The following MSH3 variants were observed in gnomAD, a reference collection of about 807,000 sequenced individuals.
MSH3 encodes the protein mutS homolog 3.
In MSH3, 106 loss-of-function variants were observed where a neutral mutation model predicts 123.3. The observed-to-expected ratio is 0.86, with a 90% confidence interval of 0.73 to 1.01. The LOEUF (loss-of-function observed/expected upper bound fraction) is 1.01, where lower values mean the gene tolerates loss of function less well. Ranked by LOEUF, MSH3 falls within the 50% of genes least tolerant of loss-of-function variation. The pLI is 0.00. For synonymous variants in MSH3, 515 were observed against 481.4 expected, an observed-to-expected ratio of 1.07 and a Z score of -0.91; for missense variants, 1,459 against 1,347.6, an observed-to-expected ratio of 1.08 and a Z score of -1.29.
chr5:80,813,887 A>T lies in MSH3; in HGVS notation c.2813+146A>T, dbSNP rs527877479. ...TAAATAAATTATTTCAAGGCCGGGC[A>T]CGGTGGCTCACACCTGTGATCCCAG... On this transcript the variant is annotated intron_variant, in intron 20 of 23. Transcript: ENST00000265081. 5.3e-5 allele frequency: 47 copies of T among 881,648 alleles called. No homozygotes were observed. The Admixed American group carries it at 8.7e-4, about 16-fold the overall frequency. 54.6% of individuals were successfully genotyped at this position (881,648 alleles called of 1,614,324 possible).
chr5:80,761,559 C>T lies in MSH3; in HGVS notation c.1777C>T (p.Arg593Trp), dbSNP rs759118105. The change falls in exon 13 of 24, where the codon CGG becomes TGG. Residue 593 changes from arginine (R) to tryptophan (W), a missense_variant. Arg to Trp is a moderately radical substitution (Grantham distance 101). Transcript: ENST00000265081. The part of the protein sequence containing the change: ...PLLKLREINA[R>W]LDAVSEVLHS... ...CTTTTCTCACAGGGAAATAAATGCC[C>T]GGCTTGATGCTGTATCGGAAGTTCT... 39 of 1,613,796 alleles carry T rather than the reference C, an allele frequency of 2.4e-5. No individual in the cohort carries two copies. In the East Asian group the frequency reaches 2.7e-4, roughly 11 times the overall value.
At chr5:80,797,188 A>G (rs1009773695) in intron 19 of MSH3, among the ~76,000 whole-genome samples, 1 of 151,764 alleles carries the variant, frequency 6.6e-6, no homozygotes, top group Non-Finnish European at 1.5e-5. Context: ...TAACCCTCTC[A>G]CATACCCTCG....
chr5:80,714,438 A>C (rs1011683421), intron 8 of MSH3, among the ~76,000 whole-genome samples: 3 of 151,986 alleles, frequency 2.0e-5, no homozygotes, highest in African/African-American at 7.2e-5. Context: ...GTCTGGCCCA[A>C]ATAGACTTTT....
chr5:80,838,702 T>C lies in MSH3; in HGVS notation c.2814-15428T>C, dbSNP rs142297915. Among the ~76,000 whole-genome samples, 474 of 152,176 alleles carry C rather than the reference T, an allele frequency of 3.1e-3. 2 individuals are homozygous for C. Among genetic ancestry groups the C allele is most frequent in the Non-Finnish European group, 3.2e-3 (217 of 68,024 alleles). Reference sequence around the variant, plus strand: ...GAGGATTTTTTTTTTAATCAACCTCTTCTTTTTACAGACAAGGAAGCTACA... The same window carrying C: ...GAGGATTTTTTTTTTAATCAACCTCCTCTTTTTACAGACAAGGAAGCTACA... On this transcript the variant is annotated intron_variant, in intron 20 of 23. Transcript: ENST00000265081.
chr5:80,717,621 C>T (rs1442627042), intron 8 of MSH3, among the ~76,000 whole-genome samples: 1 of 152,146 alleles, frequency 6.6e-6, no homozygotes, highest in Non-Finnish European at 1.5e-5. Flanking sequence ...AGTTTACATT[C>T]CCACCAACAG....
chr5:80,760,427 G>A (rs755628249), intron 12 of MSH3, among the ~76,000 whole-genome samples: 30 of 152,138 alleles, frequency 2.0e-4, no homozygotes, highest in East Asian at 3.9e-4. Flanking sequence ...AGGTGTAGCC[G>A]TTGGTAAAAT....
chr5:80,746,517 A>T, intron 12 of MSH3: 1 of 483,780 alleles, frequency 2.1e-6, no homozygotes, highest in Admixed American at 2.2e-5. Flanking sequence ...TTGCAGGCAG[A>T]AGTAGTACAA....
rs920339619 is a variant in MSH3, at chr5:80,783,579, A to G, written c.2436-3986A>G. ...CTTGCTTTTTTGTTGTTTTAACTGA[A>G]ATGGGACCCACTAAGAGCTGTGTTA... is the stretch of plus-strand genomic sequence containing the variant. On this transcript the variant is annotated intron_variant, in intron 17 of 23. Coordinates refer to ENST00000265081, the MANE Select transcript of MSH3 (RefSeq NM_002439.5). 1.2e-4 allele frequency among the ~76,000 whole-genome samples: 18 copies of G among 152,238 alleles called. 1 individual carries two copies. In the East Asian group the frequency reaches 1.7e-3, roughly 15 times the overall value.
At chr5:80,774,639 A>C (rs1744268734) in intron 15 of MSH3, among the ~76,000 whole-genome samples, 1 of 152,204 alleles carries the variant, frequency 6.6e-6, no homozygotes, top group Non-Finnish European at 1.5e-5. Context: ...ATAAAAAAGA[A>C]TGAGATCCTG....
intron 8 of MSH3, among the ~76,000 whole-genome samples, chr5:80,710,390 A>G (rs935946650): frequency 1.3e-5 from 2 of 152,222 alleles, no homozygotes; most frequent in Non-Finnish European, 2.9e-5. Context: ...AAAAGGGGTA[A>G]TATTTTATAG....
In MSH3 at chr5:80,866,537, A is replaced by G. The variant is rs147133308; in HGVS notation, c.3130+1595A>G. Among the ~76,000 whole-genome samples the G allele has an allele frequency of 6.4e-3, 973 of 152,228 alleles. 8 individuals carry two copies. The highest frequency in any genetic ancestry group is 0.022 in the African/African-American group (932 of 41,542). ...ATCCCTTCAGTTCACGTCCTTCCCC[A>G]TCCTAGTCCCAAGGCAACTACTTTC... On this transcript the variant is annotated intron_variant, in intron 22 of 23. Coordinates refer to ENST00000265081, the MANE Select transcript of MSH3 (RefSeq NM_002439.5).
chr5:80,848,253 G>C lies in MSH3; in HGVS notation c.2814-5877G>C, dbSNP rs557591661. Among the ~76,000 whole-genome samples, 49 of 152,210 alleles carry C rather than the reference G, an allele frequency of 3.2e-4. No individual in the cohort carries two copies. In the South Asian group the frequency reaches 4.8e-3, roughly 15 times the overall value. ...TCAAATAAACAATAATAAAATAAAAGCTTGGTCCTATACAGCATCGAATTT... is the reference window on the plus strand; with the variant it reads ...TCAAATAAACAATAATAAAATAAAACCTTGGTCCTATACAGCATCGAATTT... On this transcript the variant is annotated intron_variant, in intron 20 of 23. Coordinates refer to ENST00000265081, the MANE Select transcript of MSH3 (RefSeq NM_002439.5).
At chr5:80,839,391 C>T (rs1745576328) in intron 20 of MSH3, among the ~76,000 whole-genome samples, 1 of 152,064 alleles carries the variant, frequency 6.6e-6, no homozygotes, top group South Asian at 2.1e-4. Flanking sequence ...AAATTTGCTA[C>T]TTATATGTGT....
intron 12 of MSH3, 31 bp from the exon 13 acceptor site, chr5:80,761,515 T>C (rs781351305): frequency 5.6e-6 from 9 of 1,613,364 alleles, no homozygotes; most frequent in Admixed American, 1.7e-5. Flanking sequence ...TCCTAACATA[T>C]CTGATTATTG....
chr5:80,655,945 T>C (rs1386600176), intron 1 of MSH3, among the ~76,000 whole-genome samples: 1 of 152,240 alleles, frequency 6.6e-6, no homozygotes. Context: ...GTCACATCTT[T>C]AGTGATGAAC....
intron 20 of MSH3, among the ~76,000 whole-genome samples, chr5:80,844,315 C>G (rs1230937381): frequency 6.6e-6 from 1 of 151,990 alleles, no homozygotes; most frequent in African/African-American, 2.4e-5. Context: ...TGTTTTACTT[C>G]CAGTTATGTG....
Position 80,674,729 on chromosome 5 carries a change from T to C in MSH3, c.1028-254T>C, listed in dbSNP as rs192283836. On this transcript the variant is annotated intron_variant, in intron 6 of 23. Transcript: ENST00000265081. ...TGTGAAATGAACCATCATTTTATTA[T>C]TTTTTTCTTTATTTTTATTTTTTTA... is the stretch of plus-strand genomic sequence containing the variant. Among the ~76,000 whole-genome samples the C allele has an allele frequency of 3.4e-5, 5 of 147,704 alleles. No homozygotes were observed. In the East Asian group the frequency reaches 9.6e-4, roughly 28 times the overall value.
intron 11 of MSH3, among the ~76,000 whole-genome samples, chr5:80,742,647 TC>T (rs896778339): frequency 2.0e-5 from 3 of 152,242 alleles, no homozygotes; most frequent in African/African-American, 7.2e-5. Context: ...TTCTTCCTGT[TC>T]CAGTCTGTTC....
At chr5:80,869,638 A>G (rs1476820549) in intron 22 of MSH3, among the ~76,000 whole-genome samples, 1 of 151,978 alleles carries the variant, frequency 6.6e-6, no homozygotes, top group African/African-American at 2.4e-5. Flanking sequence ...TGATACACTC[A>G]GCAACTGTTT....
Sources: allele counts gnomAD v4.1 joint callset (sites outside exome capture counted in the v4.1 genomes callset), GRCh38; gene constraint gnomAD v4.1.1; transcripts MANE v1.5; gene names NCBI Gene and HGNC (gene_info 2026-07-23, HGNC 2026-07-21).